DRD3: variants seen among roughly 807,000 people sequenced by gnomAD.
The protein encoded by DRD3 is D(3) dopamine receptor.
DRD3 carries 19 observed loss-of-function variants against 36.3 expected under a neutral mutation model. That is an observed-to-expected ratio of 0.52 (90% CI 0.36 to 0.77). The LOEUF is 0.77. Ranked by LOEUF, DRD3 falls within the 30% of genes least tolerant of loss-of-function variation. The pLI, the probability that DRD3 is intolerant of heterozygous loss-of-function variation, is 0.00. For synonymous variants in DRD3, 195 were observed against 203.7 expected (o/e 0.96, Z 0.36); for missense variants, 465 against 505.3 (o/e 0.92, Z 0.77).
intron 3 of DRD3, among the ~76,000 whole-genome samples, chr3:114,154,834 C>T (rs980632204): frequency 5.9e-5 from 9 of 152,130 alleles, no homozygotes; most frequent in Admixed American, 2.0e-4. Flanking sequence ...GACACATTCT[C>T]AGCCCTCTCC....
chr3:114,190,102 C>G (rs996082968), intron 1 of DRD3, among the ~76,000 whole-genome samples: 2 of 152,002 alleles, frequency 1.3e-5, no homozygotes, highest in African/African-American at 4.8e-5. Context: ...ATAATTTTAG[C>G]TCTTTTACAT....
chr3:114,189,782 C>A (rs373626135), intron 1 of DRD3, among the ~76,000 whole-genome samples: 263 of 152,320 alleles, frequency 1.7e-3, no homozygotes, highest in Non-Finnish European at 3.1e-3. Context: ...GAGTTTGCAA[C>A]CCCTGGAAGA....
chr3:114,153,647 A>AT (rs2077638842), intron 3 of DRD3, among the ~76,000 whole-genome samples: 1 of 152,180 alleles, frequency 6.6e-6, no homozygotes, highest in African/African-American at 2.4e-5. Flanking sequence ...TAGAGCCTGG[A>AT]TTTTTAGCCA....
At chr3:114,186,431 ATCT>A (rs2077976188) in intron 1 of DRD3, among the ~76,000 whole-genome samples, 1 of 152,176 alleles carries the variant, frequency 6.6e-6, no homozygotes. Flanking sequence ...CTGGCTCTAA[ATCT>A]TCTTGAAGTT....
Position 114,188,197 on chromosome 3 carries a change from T to C in DRD3, c.-155-9421A>G, listed in dbSNP as rs144862026. ...CACACGAATTCATTAGGGATCAACA[T>C]TTCTTTTTTTCCCTTTTTTTTTTTT... is the stretch of plus-strand genomic sequence containing the variant. On this transcript the variant is annotated intron_variant, in intron 1 of 7. Transcript: ENST00000460779. 8.3e-4 allele frequency among the ~76,000 whole-genome samples: 125 copies of C among 151,248 alleles called. 1 individual carries two copies. The highest frequency in any genetic ancestry group is 2.9e-3 in the African/African-American group (118 of 41,030).
chr3:114,169,531 AAT>A (rs1227105614), intron 2 of DRD3, among the ~76,000 whole-genome samples: 1 of 152,008 alleles, frequency 6.6e-6, no homozygotes, highest in African/African-American at 2.4e-5. Flanking sequence ...TTGATCACTG[AAT>A]ACCTACATGA....
In DRD3 at chr3:114,149,522, C is replaced by T. The variant is rs118102393; in HGVS notation, c.384-1965G>A. 3.6e-3 allele frequency among the ~76,000 whole-genome samples: 547 copies of T among 152,250 alleles called. 10 individuals carry two copies. Among genetic ancestry groups the T allele is most frequent in the Admixed American group, 0.03 (453 of 15,284 alleles). Reference sequence around the variant, plus strand: ...GAGATAGGCAGGACTCTAGGATGGCCCCAAGATTTCTGCCACGTATAATCC... The same window carrying T: ...GAGATAGGCAGGACTCTAGGATGGCTCCAAGATTTCTGCCACGTATAATCC... On this transcript the variant is annotated intron_variant, in intron 3 of 6. Coordinates refer to ENST00000383673, the MANE Select transcript of DRD3 (RefSeq NM_000796.6).
intron 1 of DRD3, among the ~76,000 whole-genome samples, chr3:114,198,857 C>T (rs2078050469): frequency 6.6e-6 from 1 of 152,118 alleles, no homozygotes; most frequent in African/African-American, 2.4e-5. Context: ...CCCACCTCAG[C>T]CTCTCAAGTA....
rs890865252 is a variant in DRD3, at chr3:114,172,086, A to T, written c.-35-59T>A. On this transcript the variant is annotated intron_variant, in intron 1 of 6. Coordinates refer to ENST00000383673, the MANE Select transcript of DRD3 (RefSeq NM_000796.6). ...CAGACTCTTTGGGGCTTGGTTGCTT[A>T]GTTACATTTTTTTATTTATTGCATC... 1.4e-5 allele frequency: 18 copies of T among 1,281,994 alleles called. No homozygotes were observed. In the African/African-American group the frequency reaches 2.6e-4, roughly 19 times the overall value. The allele number at this position is 1,281,994 out of a possible 1,614,324, so 79.4% of individuals were successfully genotyped here.
chr3:114,159,212 C>T (rs2077709528), intron 3 of DRD3, among the ~76,000 whole-genome samples: 1 of 152,158 alleles, frequency 6.6e-6, no homozygotes, highest in African/African-American at 2.4e-5. Flanking sequence ...ACTTGCTTCT[C>T]TAAGCTCTAT....
At chr3:114,152,978 C>A (rs890219326) in intron 3 of DRD3, among the ~76,000 whole-genome samples, 2 of 152,230 alleles carry the variant, frequency 1.3e-5, no homozygotes, top group African/African-American at 4.8e-5. Flanking sequence ...CCCTGCAGAC[C>A]CTGAGCCAGG....
intron 2 of DRD3, among the ~76,000 whole-genome samples, chr3:114,169,416 C>T (rs934492899): frequency 1.2e-4 from 18 of 150,596 alleles, no homozygotes; most frequent in Admixed American, 4.0e-4. Flanking sequence ...AGTGAGGAGA[C>T]GTCTCTGCTC....
Position 114,131,427 on chromosome 3 carries a change from G to A in DRD3, c.724-27C>T, listed in dbSNP as rs376131620. ...TGCAGGTGTGACAAGAGGGAATCTTGACATTTCTGGGGGTATTGTTTATCT... is the reference window on the plus strand; with the variant it reads ...TGCAGGTGTGACAAGAGGGAATCTTAACATTTCTGGGGGTATTGTTTATCT... On this transcript the variant is annotated intron_variant, in intron 5 of 6. Coordinates refer to ENST00000383673, the MANE Select transcript of DRD3 (RefSeq NM_000796.6). 6.3e-6 allele frequency: 10 copies of A among 1,596,844 alleles called. No homozygotes were observed. In the African/African-American group the frequency reaches 1.3e-4, roughly 22 times the overall value.
At chr3:114,172,324 G>A (rs1044451746) in intron 1 of DRD3, among the ~76,000 whole-genome samples, 8 of 152,190 alleles carry the variant, frequency 5.3e-5, no homozygotes, top group Admixed American at 1.3e-4. Flanking sequence ...GGTAAGTAAC[G>A]GGTGAAGATT....
At chr3:114,171,262 C>T (rs987674494) in intron 2 of DRD3, among the ~76,000 whole-genome samples, 1 of 152,066 alleles carries the variant, frequency 6.6e-6, no homozygotes, top group Non-Finnish European at 1.5e-5. Flanking sequence ...GTCATTCTTT[C>T]TATCTTCCCT....
chr3:114,144,415 A>G (rs923299175), intron 4 of DRD3, among the ~76,000 whole-genome samples: 6 of 152,206 alleles, frequency 3.9e-5, no homozygotes, highest in Non-Finnish European at 1.5e-5. Context: ...ATGACTGAGA[A>G]GAGTCCTTTA....
At chr3:114,137,692 C>A (rs2077485875) in intron 5 of DRD3, among the ~76,000 whole-genome samples, 1 of 152,060 alleles carries the variant, frequency 6.6e-6, no homozygotes, top group Non-Finnish European at 1.5e-5. Context: ...ACTAAAAATA[C>A]AAAAATTAGC....
At chr3:114,173,920 A>G (rs2077872281) in intron 1 of DRD3, among the ~76,000 whole-genome samples, 1 of 152,168 alleles carries the variant, frequency 6.6e-6, no homozygotes, top group Non-Finnish European at 1.5e-5. Flanking sequence ...TCCCTTGATT[A>G]GGAGACCGGC....
At chr3:114,182,437 AG>A (rs147648658), upstream of DRD3, among the ~76,000 whole-genome samples, 25 of 152,286 alleles carry the variant, frequency 1.6e-4, no homozygotes, top group African/African-American at 6.0e-4. Flanking sequence ...CACTCATTAT[AG>A]GTAGCAGAGT....
Sources: allele counts gnomAD v4.1 joint callset (sites outside exome capture counted in the v4.1 genomes callset), GRCh38; gene constraint gnomAD v4.1.1; transcripts MANE v1.5; gene names NCBI Gene and HGNC (gene_info 2026-07-23, HGNC 2026-07-21).